KIF14: variants seen among roughly 807,000 people sequenced by gnomAD.
KIF14 encodes kinesin family member 14, also known as kinesin-like protein KIF14.
KIF14 carries 98 observed loss-of-function variants against 176.2 expected under a neutral mutation model. The ratio of observed to expected loss-of-function variants is 0.56; its 90% confidence interval spans 0.47 to 0.66. The LOEUF is 0.66. Among genes scored for constraint, KIF14 ranks in the 30% least tolerant of loss-of-function variants. The pLI is 0.00. For synonymous variants in KIF14, 566 were observed against 632.2 expected (o/e 0.90, Z 1.57); for missense variants, 1,751 against 1,920.4 (o/e 0.91, Z 1.65).
chr1:200,597,521 G>A (rs4596933), intron 14 of KIF14, among the ~76,000 whole-genome samples: 86,624 of 152,000 alleles, frequency 0.57, 25,307 homozygotes, highest in East Asian at 0.69. Flanking sequence ...ATACTATTTA[G>A]TGTTCATCAG....
In KIF14 at chr1:200,602,970, CACTT is replaced by C. The variant is rs773282927; in HGVS notation, c.1979+252_1979+255del. ...AATTGTACACTAATAATCTAATTCT[CACTT>C]ACCCCTAAAAGGTATTGATTTTATT... On this transcript the variant is annotated intron_variant, in intron 10 of 29. Transcript: ENST00000367350. Among the ~76,000 whole-genome samples the C allele has an allele frequency of 9.2e-5, 14 of 152,292 alleles. No homozygotes were observed. In the East Asian group the frequency reaches 9.6e-4, roughly 10 times the overall value.
In KIF14 at chr1:200,553,489, T is replaced by G. The variant is rs1656660583; in HGVS notation, c.4846A>C (p.Ser1616Arg). ...QQSKSSGIDGSKNKGVPKRVY... is the reference protein window; with the variant it reads ...QQSKSSGIDGRKNKGVPKRVY... ...CGCTTTGGTACACCTTTATTCTTACTGCCGTCAATCCCGCTTGATTTAGAT... is the reference window on the plus strand; with the variant it reads ...CGCTTTGGTACACCTTTATTCTTACGGCCGTCAATCCCGCTTGATTTAGAT... The change falls in exon 30 of 30, where the codon AGT (serine) becomes CGT (arginine). Residue 1616 changes from serine (S) to arginine (R), a missense_variant. Transcript: ENST00000367350. 1 of 1,614,068 alleles carries G rather than the reference T, an allele frequency of 6.2e-7. No homozygotes were observed. Among genetic ancestry groups the G allele is most frequent in the Non-Finnish European group, 8.5e-7 (1 of 1,180,018 alleles).
intron 14 of KIF14, among the ~76,000 whole-genome samples, chr1:200,595,932 C>CA (rs35375679): frequency 0.17 from 8,552 of 51,774 alleles, 495 homozygotes; most frequent in African/African-American, 0.21. Context: ...ACTCCATCTC[C>CA]AAAAAAAAAA....
chr1:200,609,212 T>C (rs1436332588), intron 4 of KIF14, among the ~76,000 whole-genome samples: 1 of 152,042 alleles, frequency 6.6e-6, no homozygotes, highest in East Asian at 1.9e-4. Context: ...TCACACCCAC[T>C]AGGATGGCAG....
intron 21 of KIF14, among the ~76,000 whole-genome samples, chr1:200,579,765 A>G (rs935736794): frequency 3.3e-4 from 50 of 152,174 alleles, no homozygotes; most frequent in African/African-American, 1.1e-3. Flanking sequence ...ACAAAATAAG[A>G]TATTAAAAAC....
intron 23 of KIF14, among the ~76,000 whole-genome samples, chr1:200,566,220 G>T (rs538057503): frequency 8.6e-5 from 13 of 151,784 alleles, no homozygotes. Flanking sequence ...AATATCCCAC[G>T]TAACCACTGG....
At position 200,582,226 on chromosome 1, in the gene KIF14, T is replaced by G. The variant is rs145976567; in HGVS notation, c.3242-932A>C. ...CCTATCTCTAGAAAATAAAATAAAT[T>G]AGCCAAGCAAGGAAGCATGCACCTG... On this transcript the variant is annotated intron_variant, in intron 19 of 29. Transcript: ENST00000367350. 8.1e-3 allele frequency among the ~76,000 whole-genome samples: 1,225 copies of G among 152,054 alleles called. 11 individuals carry two copies. Among genetic ancestry groups the G allele is most frequent in the African/African-American group, 0.026 (1,096 of 41,462 alleles).
intron 14 of KIF14, among the ~76,000 whole-genome samples, chr1:200,595,656 T>C (rs1006962533): frequency 6.6e-6 from 1 of 152,044 alleles, no homozygotes; most frequent in Non-Finnish European, 1.5e-5. Context: ...CTAACAGATA[T>C]AAAGATTCAT....
chr1:200,605,218 T>G, intron 8 of KIF14, 65 bp downstream of exon 8: 1 of 1,456,624 alleles, frequency 6.9e-7, no homozygotes, highest in Non-Finnish European at 9.5e-7. Flanking sequence ...TTTAAAAAAA[T>G]ACCTTGGTCT....
chr1:200,592,549 C>T (rs201372647), intron 15 of KIF14, among the ~76,000 whole-genome samples: 1 of 151,950 alleles, frequency 6.6e-6, no homozygotes, highest in Admixed American at 6.6e-5. Context: ...CTAATTTTTG[C>T]ATTTTTAGTA....
intron 20 of KIF14, 67 bp downstream of exon 20, chr1:200,581,125 AAAAAAAAAG>A: frequency 1.4e-6 from 1 of 728,010 alleles, no homozygotes; most frequent in Non-Finnish European, 2.1e-6. Flanking sequence ...GAAAAAAAAA[AAAAAAAAAG>A]AGAAACTAAA....
chr1:200,618,200 A>G lies in KIF14; in HGVS notation c.524T>C (p.Val175Ala), dbSNP rs1165138852. 6.2e-7 allele frequency: 1 copy of G among 1,613,922 alleles called. No individual in the cohort carries two copies. The highest frequency in any genetic ancestry group is 8.5e-7 in the Non-Finnish European group (1 of 1,180,002). ...TTCATCTAAAGGTACAGAAGAGGCA[A>G]CAAAAGAGTTTTTAGCATTATTTAC... ...RIVNNAKNSF[V>A]ASSVPLDEDP... The change falls in exon 2 of 30, where the codon GTT (valine) becomes GCT (alanine). Residue 175 changes from valine (V) to alanine (A), a missense_variant. Coordinates refer to ENST00000367350, the MANE Select transcript of KIF14 (RefSeq NM_014875.3).
chr1:200,603,864 GC>G lies in KIF14; in HGVS notation c.1837del (p.Ala613LeufsTer8). ...CTTTAGTCGATCTCCATTAGTGTGA[GC>G]CGTAGAGCAGCGCTCACTGCCTGCC... ...DLAGSERCST[A>X]HTNGDRLKEG... On this transcript the variant is annotated frameshift_variant, in exon 9 of 30. Transcript: ENST00000367350. LOFTEE classifies it high-confidence loss of function. The G allele has an allele frequency of 6.2e-7, 1 of 1,608,444 alleles. No individual in the cohort carries two copies. The highest frequency in any genetic ancestry group is 8.5e-7 in the Non-Finnish European group (1 of 1,174,828).
chr1:200,553,227 TG>T lies in KIF14; in HGVS notation c.*160del, dbSNP rs759795565. 1.3e-6 allele frequency: 1 copy of T among 764,152 alleles called. No homozygotes were observed. Among genetic ancestry groups the T allele is most frequent in the Non-Finnish European group, 2.0e-6 (1 of 502,116 alleles). 47.3% of individuals were successfully genotyped at this position (764,152 alleles called of 1,614,324 possible). A position where few individuals can be genotyped will look rare whatever the true frequency, so the allele number is the denominator to read the frequency against. ...CTGGGATTACAGGCGTGAGCCACTGTGTCTGGCCTTTGATAAATAGATATTT... is the reference window on the plus strand; with the variant it reads ...CTGGGATTACAGGCGTGAGCCACTGTTCTGGCCTTTGATAAATAGATATTT... On this transcript the variant is annotated 3_prime_UTR_variant, in exon 30 of 30. Coordinates refer to ENST00000367350, the MANE Select transcript of KIF14 (RefSeq NM_014875.3).
At chr1:200,612,404 T>A (rs75589181) in intron 4 of KIF14, among the ~76,000 whole-genome samples, 3,563 of 152,284 alleles carry the variant, frequency 0.023, 51 homozygotes, top group Non-Finnish European at 0.035. Flanking sequence ...CCAAAGACCT[T>A]TGCCTCCACT....
rs111405039 is a variant in KIF14 at position 200,555,465 on chromosome 1, T to A, written c.4354-11A>T. On this transcript the variant is annotated splice_polypyrimidine_tract_variant and intron_variant, in intron 27 of 29. Coordinates refer to ENST00000367350, the MANE Select transcript of KIF14 (RefSeq NM_014875.3). ...CATTTCTTTGGTAACCTATAGAGAA[T>A]GTTAAAATATTTTATTATACTTTAT... The A allele has an allele frequency of 1.8e-5, 26 of 1,420,300 alleles. No homozygotes were observed. The African/African-American group carries it at 2.0e-4, about 11-fold the overall frequency. 88.0% of individuals were successfully genotyped at this position (1,420,300 alleles called of 1,614,324 possible).
rs778647251 is a variant in KIF14, at chr1:200,592,075, C to T, written c.2813+5G>A. 4.3e-6 allele frequency: 7 copies of T among 1,609,244 alleles called. No individual in the cohort carries two copies. In the Admixed American group the frequency reaches 1.2e-4, roughly 27 times the overall value. On this transcript the variant is annotated splice_donor_5th_base_variant and intron_variant, in intron 16 of 29. Transcript: ENST00000367350. Reference sequence around the variant, plus strand: ...CTTACTATTTCATATCAACAGCATACTTACTGTGATCTCTGTGCCATGAGC... The same window carrying T: ...CTTACTATTTCATATCAACAGCATATTTACTGTGATCTCTGTGCCATGAGC...
chr1:200,565,355 C>T, intron 24 of KIF14, 90 bp downstream of exon 24: 1 of 1,393,288 alleles, frequency 7.2e-7, no homozygotes. Flanking sequence ...AAGATGCATG[C>T]CAGATGTGCC....
intron 8 of KIF14, 59 bp downstream of exon 8, chr1:200,605,224 G>T: frequency 6.9e-7 from 1 of 1,451,262 alleles, no homozygotes; most frequent in Non-Finnish European, 9.6e-7. Context: ...AAAATACCTT[G>T]GTCTGGGTTA....
Sources: gnomAD v4.1 joint callset for allele counts (sites outside exome capture counted in the v4.1 genomes callset) on GRCh38, gnomAD v4.1.1 for gene constraint, MANE v1.5 for transcripts, NCBI Gene and HGNC (gene_info 2026-07-23, HGNC 2026-07-21) for gene names.